ERBIN: variants seen among roughly 807,000 people sequenced by gnomAD.
The protein encoded by ERBIN is erbb2 interacting protein.
A neutral mutation model predicts 158.4 loss-of-function variants in ERBIN; 60 were observed. That is an observed-to-expected ratio of 0.38 (90% CI 0.31 to 0.47). The LOEUF is 0.47. Among genes scored for constraint, ERBIN ranks in the 20% least tolerant of loss-of-function variants. The pLI is 0.99. For missense variants in ERBIN, 1,610 were observed against 1,648.0 expected (o/e 0.98, Z 0.40); for synonymous variants, 594 against 557.2 (o/e 1.07, Z -0.93).
At chr5:66,035,511 T>C (rs2151182869) in intron 14 of ERBIN, among the ~76,000 whole-genome samples, 1 of 152,308 alleles carries the variant, frequency 6.6e-6, no homozygotes, top group East Asian at 1.9e-4. Context: ...TTTTGCTTTA[T>C]CCCTACTACC....
In ERBIN at chr5:65,960,442, C is replaced by G. The variant is rs146718456; in HGVS notation, c.-57-28193C>G. ...GAGAGTTGTACACCTAAGACCTCTG[C>G]ATTTCGCTATACGTAAACTTTACCT... On this transcript the variant is annotated intron_variant, in intron 1 of 25. Coordinates refer to ENST00000284037, the MANE Select transcript of ERBIN (RefSeq NM_001253697.2). Among the ~76,000 whole-genome samples, 152 of 152,278 alleles carry G rather than the reference C, an allele frequency of 1.0e-3. 1 individual carries two copies. The highest frequency in any genetic ancestry group is 2.9e-3 in the African/African-American group (122 of 41,562).
chr5:66,018,520 A>T (rs189594015), intron 7 of ERBIN, among the ~76,000 whole-genome samples: 216 of 6,864 alleles, frequency 0.031, 60 homozygotes, highest in South Asian at 0.055. Flanking sequence ...ATATTATATA[A>T]TATATATTAT....
intron 1 of ERBIN, among the ~76,000 whole-genome samples, chr5:65,949,525 T>G (rs1285524721): frequency 7.9e-5 from 12 of 152,234 alleles, no homozygotes; most frequent in African/African-American, 2.9e-4. Flanking sequence ...ACGTAATTCC[T>G]CCAGCTAATG....
chr5:65,981,225 G>T (rs1001076783), intron 1 of ERBIN, among the ~76,000 whole-genome samples: 7 of 152,078 alleles, frequency 4.6e-5, no homozygotes, highest in African/African-American at 1.7e-4. Context: ...AATTAGAAAG[G>T]ACATTAAATA....
chr5:66,067,056 T>G (rs1355668924), intron 21 of ERBIN, among the ~76,000 whole-genome samples: 3 of 152,184 alleles, frequency 2.0e-5, no homozygotes, highest in East Asian at 3.8e-4. Context: ...ACAGCAAATG[T>G]GTGTGTCTGT....
At position 66,055,816 on chromosome 5, in the gene ERBIN, A is replaced by G. The variant is rs1759525910; in HGVS notation, c.3633+865A>G. Reference sequence around the variant, plus strand: ...AGCCATTTTTAAAAATTCCTTAAATAAAATTTTCAGAAATGCCTAAAATAT... The same window carrying G: ...AGCCATTTTTAAAAATTCCTTAAATGAAATTTTCAGAAATGCCTAAAATAT... On this transcript the variant is annotated intron_variant, in intron 21 of 25. Transcript: ENST00000284037. Among the ~76,000 whole-genome samples the G allele has an allele frequency of 2.6e-5, 4 of 152,312 alleles. No individual in the cohort carries two copies. The South Asian group carries it at 8.3e-4, about 32-fold the overall frequency.
intron 1 of ERBIN, among the ~76,000 whole-genome samples, chr5:65,955,391 A>C (rs932580991): frequency 6.6e-6 from 1 of 152,122 alleles, no homozygotes; most frequent in Non-Finnish European, 1.5e-5. Flanking sequence ...GCACTTTGGG[A>C]GGCCGAGGTG....
At chr5:65,985,621 G>A (rs1393689226) in intron 1 of ERBIN, among the ~76,000 whole-genome samples, 2 of 152,128 alleles carry the variant, frequency 1.3e-5, no homozygotes, top group Admixed American at 1.3e-4. Flanking sequence ...TCCTACTTAC[G>A]AAAATTATCA....
At chr5:65,997,021 T>G (rs1752511004) in intron 4 of ERBIN, among the ~76,000 whole-genome samples, 1 of 152,210 alleles carries the variant, frequency 6.6e-6, no homozygotes, top group African/African-American at 2.4e-5. Flanking sequence ...GTATTTTGGT[T>G]GGAGTCTTTA....
intron 1 of ERBIN, among the ~76,000 whole-genome samples, chr5:65,943,870 G>T (rs939246701): frequency 2.2e-4 from 34 of 152,108 alleles, no homozygotes; most frequent in African/African-American, 8.0e-4. Flanking sequence ...CCTCCTAGCC[G>T]CTGGCAGCTA....
At chr5:66,031,040 G>GT (rs1756814749) in intron 14 of ERBIN, among the ~76,000 whole-genome samples, 2 of 152,110 alleles carry the variant, frequency 1.3e-5, no homozygotes, top group African/African-American at 4.8e-5. Flanking sequence ...AGGAGTCTTT[G>GT]TTCTTCAAAG....
chr5:65,953,347 C>G (rs774344156), intron 1 of ERBIN, among the ~76,000 whole-genome samples: 8 of 152,114 alleles, frequency 5.3e-5, no homozygotes, highest in Non-Finnish European at 1.2e-4. Context: ...GTTCTGCATA[C>G]CCATAGAATG....
intron 4 of ERBIN, among the ~76,000 whole-genome samples, chr5:66,004,853 T>A (rs1471872038): frequency 6.6e-6 from 1 of 152,142 alleles, no homozygotes; most frequent in Non-Finnish European, 1.5e-5. Flanking sequence ...TGTGAGCGTC[T>A]ATAGCATGTG....
intron 21 of ERBIN, among the ~76,000 whole-genome samples, chr5:66,058,951 G>C (rs1253903477): frequency 6.6e-6 from 1 of 152,172 alleles, no homozygotes; most frequent in African/African-American, 2.4e-5. Context: ...TTGTAGTGTA[G>C]TTTGAAGTCA....
intron 1 of ERBIN, among the ~76,000 whole-genome samples, chr5:65,947,635 G>A (rs541173492): frequency 2.6e-5 from 4 of 152,130 alleles, no homozygotes; most frequent in African/African-American, 9.6e-5. Context: ...AAGCTTCCTG[G>A]GAGCCAGAGT....
rs191011280 is a variant in ERBIN, at chr5:65,992,971, C to T, written c.189+64C>T. ...TTTTTATATCTAGAAATATGATATT[C>T]CTAATATTGCTATAAAGTTGCCAAT... On this transcript the variant is annotated intron_variant, in intron 3 of 25. Transcript: ENST00000284037. 3.1e-5 allele frequency: 38 copies of T among 1,219,420 alleles called. No individual in the cohort carries two copies. The African/African-American group carries it at 5.2e-4, about 17-fold the overall frequency. 75.5% of individuals were successfully genotyped at this position (1,219,420 alleles called of 1,614,324 possible).
intron 13 of ERBIN, among the ~76,000 whole-genome samples, chr5:66,026,915 A>G (rs969553367): frequency 2.0e-4 from 30 of 152,160 alleles, no homozygotes; most frequent in South Asian, 1.4e-3. Context: ...TTTGGAATGT[A>G]TCTAGTCTGT....
rs573471319 is a variant in ERBIN at position 65,930,461 on chromosome 5, C to T, written c.-58+3655C>T. The stretch of plus-strand genomic sequence containing the variant: ...TAGCTGGGACTAGAGGCGCCCGCCA[C>T]TGTGCCCGGCTAATTTTTTTGTATT... On this transcript the variant is annotated intron_variant, in intron 1 of 25. Transcript: ENST00000284037. Among the ~76,000 whole-genome samples the T allele has an allele frequency of 9.2e-5, 14 of 152,324 alleles. No homozygotes were observed. In the East Asian group the frequency reaches 2.7e-3, roughly 29 times the overall value.
At chr5:65,932,881 C>T (rs536316105) in intron 1 of ERBIN, among the ~76,000 whole-genome samples, 21 of 152,290 alleles carry the variant, frequency 1.4e-4, no homozygotes, top group East Asian at 7.7e-4. Flanking sequence ...ACTGCAGCCT[C>T]GGACTCCTGG....
Sources: gnomAD v4.1 joint callset for allele counts (sites outside exome capture counted in the v4.1 genomes callset) on GRCh38, gnomAD v4.1.1 for gene constraint, MANE v1.5 for transcripts, NCBI Gene and HGNC (gene_info 2026-07-23, HGNC 2026-07-21) for gene names.